PARD3B: variants seen among roughly 807,000 people sequenced by gnomAD.
The protein encoded by PARD3B is partitioning defective 3 homolog B.
A neutral mutation model predicts 130.2 loss-of-function variants in PARD3B; 103 were observed. That is an observed-to-expected ratio of 0.79 (90% CI 0.67 to 0.93). The LOEUF (loss-of-function observed/expected upper bound fraction) is 0.93, where lower values mean the gene tolerates loss of function less well. Among genes scored for constraint, PARD3B ranks in the 40% least tolerant of loss-of-function variants. The pLI is 0.00. For missense variants in PARD3B, 1,609 were observed against 1,499.2 expected, an observed-to-expected ratio of 1.07 and a Z score of -1.21; for synonymous variants, 583 against 553.2, an observed-to-expected ratio of 1.05 and a Z score of -0.76.
At chr2:205,343,974 TA>T (rs2043646447) in intron 18 of PARD3B, among the ~76,000 whole-genome samples, 1 of 152,140 alleles carries the variant, frequency 6.6e-6, no homozygotes, top group African/African-American at 2.4e-5. Context: ...TCTTCTCTTT[TA>T]AGTGGGGGAA....
At chr2:205,020,672 T>C (rs1297872492) in intron 3 of PARD3B, among the ~76,000 whole-genome samples, 1 of 152,118 alleles carries the variant, frequency 6.6e-6, no homozygotes, top group Non-Finnish European at 1.5e-5. Context: ...AGGACCTTGT[T>C]ATATGTAGGA....
chr2:205,248,601 CTTT>C (rs762295338), intron 16 of PARD3B, among the ~76,000 whole-genome samples: 1 of 84,654 alleles, frequency 1.2e-5, no homozygotes, highest in Non-Finnish European at 2.2e-5. Context: ...TCTCACCATT[CTTT>C]TTTTTTTTTT....
At chr2:205,511,991 T>G (rs2050606160) in intron 21 of PARD3B, among the ~76,000 whole-genome samples, 1 of 152,158 alleles carries the variant, frequency 6.6e-6, no homozygotes, top group Non-Finnish European at 1.5e-5. Context: ...TAGTCTGGTG[T>G]TGTGATGGGA....
intron 2 of PARD3B, among the ~76,000 whole-genome samples, chr2:204,947,280 T>A (rs1266704217): frequency 1.3e-5 from 2 of 149,932 alleles, no homozygotes; most frequent in Non-Finnish European, 2.9e-5. Flanking sequence ...GATAATGAAT[T>A]TACAGTCTTT....
At chr2:205,104,796 A>G (rs1703085025) in intron 5 of PARD3B, among the ~76,000 whole-genome samples, 1 of 152,164 alleles carries the variant, frequency 6.6e-6, no homozygotes, top group South Asian at 2.1e-4. Context: ...AGCAATTTCA[A>G]ATGAACATTT....
intron 18 of PARD3B, among the ~76,000 whole-genome samples, chr2:205,359,432 T>C (rs2044309661): frequency 6.6e-6 from 1 of 152,168 alleles, no homozygotes. Context: ...AAGCTTTCCT[T>C]TTTGTTTCCT....
At chr2:204,845,232 G>A (rs752746029) in intron 2 of PARD3B, among the ~76,000 whole-genome samples, 23 of 152,082 alleles carry the variant, frequency 1.5e-4, no homozygotes, top group Non-Finnish European at 2.5e-4. Flanking sequence ...TATGATACAT[G>A]ATATTCTTGC....
chr2:204,837,271 A>G lies in PARD3B; in HGVS notation c.223-127881A>G, dbSNP rs764974563. On this transcript the variant is annotated intron_variant, in intron 2 of 22. Coordinates refer to ENST00000406610, the MANE Select transcript of PARD3B (RefSeq NM_001302769.2). The stretch of plus-strand genomic sequence containing the variant: ...GTACGTAGTTCAAAGTATACTTTTT[A>G]CAAGAGCCCGTGTCTTCTAAAAATC... Among the ~76,000 whole-genome samples the G allele has an allele frequency of 2.6e-5, 4 of 152,312 alleles. No individual in the cohort carries two copies. In the South Asian group the frequency reaches 8.3e-4, roughly 32 times the overall value.
chr2:204,590,478 G>T (rs2033029040), intron 1 of PARD3B, among the ~76,000 whole-genome samples: 1 of 152,156 alleles, frequency 6.6e-6, no homozygotes, highest in African/African-American at 2.4e-5. Flanking sequence ...TTGTTGATGT[G>T]GGTGTTAAAG....
At chr2:204,867,746 G>A (rs533954654) in intron 2 of PARD3B, among the ~76,000 whole-genome samples, 9 of 152,168 alleles carry the variant, frequency 5.9e-5, no homozygotes, top group Admixed American at 3.9e-4. Context: ...TCTTTCCGGC[G>A]ATGTATTTAG....
At chr2:204,773,263 A>G (rs2041466776) in intron 2 of PARD3B, among the ~76,000 whole-genome samples, 1 of 151,930 alleles carries the variant, frequency 6.6e-6, no homozygotes, top group South Asian at 2.1e-4. Flanking sequence ...TCTCTTACGG[A>G]GTAAACTGGA....
rs755761167 is a variant in PARD3B at position 204,610,470 on chromosome 2, G to C, written c.120+64351G>C. ...TCCCATGTTAAAGCGATTCTCCTGCGTCAGCCTCCCGAGTGGCTGGGATTA... is the reference window on the plus strand; with the variant it reads ...TCCCATGTTAAAGCGATTCTCCTGCCTCAGCCTCCCGAGTGGCTGGGATTA... On this transcript the variant is annotated intron_variant, in intron 1 of 22. Transcript: ENST00000406610. This position sits in a 1 kb window ranked among gnomAD's most constrained non-coding sequence, Gnocchi z 4.1. 6.6e-6 allele frequency among the ~76,000 whole-genome samples: 1 copy of C among 151,984 alleles called. No homozygotes were observed. The highest frequency in any genetic ancestry group is 1.5e-5 in the Non-Finnish European group (1 of 67,980).
At chr2:204,721,016 G>C (rs530375065) in intron 2 of PARD3B, among the ~76,000 whole-genome samples, 78 of 152,146 alleles carry the variant, frequency 5.1e-4, no homozygotes, top group African/African-American at 1.8e-3. Flanking sequence ...TATAATCTGA[G>C]AATGAGTACT....
chr2:205,188,948 C>T (rs1415378573), intron 14 of PARD3B, among the ~76,000 whole-genome samples: 1 of 152,052 alleles, frequency 6.6e-6, no homozygotes, highest in Non-Finnish European at 1.5e-5. Context: ...ATTGCTCAAC[C>T]TATTTTTACT....
chr2:204,706,387 A>G (rs1385254174), intron 2 of PARD3B, among the ~76,000 whole-genome samples: 1 of 151,776 alleles, frequency 6.6e-6, no homozygotes, highest in Non-Finnish European at 1.5e-5. Context: ...AAAGAAAAAG[A>G]AAAAGAAAAG....
intron 2 of PARD3B, among the ~76,000 whole-genome samples, chr2:204,838,842 G>A (rs1321448143): frequency 6.6e-6 from 1 of 152,014 alleles, no homozygotes; most frequent in Admixed American, 6.5e-5. Context: ...CATCTATTGT[G>A]TATCAATACA....
intron 3 of PARD3B, among the ~76,000 whole-genome samples, chr2:204,982,819 T>A (rs1046208623): frequency 6.6e-6 from 1 of 152,222 alleles, no homozygotes; most frequent in Admixed American, 6.5e-5. Context: ...AATTAGTCAT[T>A]GTATCTGATA....
At chr2:205,111,792 T>C (rs1390362959) in intron 5 of PARD3B, among the ~76,000 whole-genome samples, 1 of 152,050 alleles carries the variant, frequency 6.6e-6, no homozygotes, top group African/African-American at 2.4e-5. Flanking sequence ...AAGGTAAGGG[T>C]AATAATTTTC....
intron 20 of PARD3B, among the ~76,000 whole-genome samples, chr2:205,468,621 T>G (rs1244448187): frequency 6.6e-6 from 1 of 152,180 alleles, no homozygotes; most frequent in Non-Finnish European, 1.5e-5. Flanking sequence ...ACCACACAAC[T>G]GACCTCTTTC....
Sources: gnomAD v4.1 joint callset for allele counts (sites outside exome capture counted in the v4.1 genomes callset) on GRCh38, gnomAD v4.1.1 for gene constraint, Gnocchi (gnomAD v3.1) non-coding constraint, MANE v1.5 for transcripts, NCBI Gene and HGNC (gene_info 2026-07-23, HGNC 2026-07-21) for gene names.